The following CLNK variants were observed in gnomAD, a reference collection of about 807,000 sequenced individuals.
CLNK encodes cytokine-dependent hematopoietic cell linker.
CLNK carries 74 observed loss-of-function variants against 68.6 expected under a neutral mutation model. The observed-to-expected ratio is 1.08, with a 90% CI of 0.89 to 1.31. CLNK has a LOEUF of 1.31. CLNK is among the 50% of genes most tolerant of loss of function. CLNK has a pLI of 0.00. For synonymous variants in CLNK, 198 were observed against 172.2 expected, an observed-to-expected ratio of 1.15 and a Z score of -1.17; for missense variants, 553 against 515.3, an observed-to-expected ratio of 1.07 and a Z score of -0.71.
chr4:10,707,072 C>A, the CLNK span, among the ~76,000 whole-genome samples: 1 of 152,100 alleles, frequency 6.6e-6, no homozygotes, highest in African/African-American at 2.4e-5. Flanking sequence ...TGAGCCATCG[C>A]GCCTGGCCCC....
intron 11 of CLNK, among the ~76,000 whole-genome samples, chr4:10,537,639 C>A (rs971098338): frequency 1.6e-5 from 1 of 62,712 alleles, no homozygotes; most frequent in African/African-American, 6.4e-5. Flanking sequence ...CTTTCTTTCT[C>A]TTTCTTTCTT....
At chr4:10,584,879 C>T (rs767801623) in intron 4 of CLNK, 48 bp downstream of exon 4, 6 of 1,590,076 alleles carry the variant, frequency 3.8e-6, no homozygotes, top group Admixed American at 3.3e-5. Flanking sequence ...GCCCAACAGA[C>T]CCATGCTGAC....
chr4:10,660,636 T>C (rs4697771), intron 2 of CLNK, among the ~76,000 whole-genome samples: 51,905 of 151,978 alleles, frequency 0.34, 8,943 homozygotes, highest in African/African-American at 0.39. Context: ...CAGTAGGAGA[T>C]TTTGTTCAGC....
At chr4:10,614,175 T>G (rs1469718786) in intron 2 of CLNK, among the ~76,000 whole-genome samples, 1 of 152,230 alleles carries the variant, frequency 6.6e-6, no homozygotes, top group Non-Finnish European at 1.5e-5. Context: ...CCCTGGCAGA[T>G]GTCTGGGTGA....
In CLNK at chr4:10,516,210, TA is replaced by T. The variant is rs1468643087; in HGVS notation, c.773-2614del. 2.0e-5 allele frequency among the ~76,000 whole-genome samples: 3 copies of T among 152,272 alleles called. No homozygotes were observed. In the East Asian group the frequency reaches 5.8e-4, roughly 29 times the overall value. ...ATCTTTAGGATATATAAACATTATG[TA>T]AGTAAAATACTAGGCAAAAATAACA... On this transcript the variant is annotated intron_variant, in intron 15 of 18. Transcript: ENST00000226951.
At chr4:10,647,854 C>A (rs1318849760) in intron 2 of CLNK, among the ~76,000 whole-genome samples, 2 of 152,118 alleles carry the variant, frequency 1.3e-5, no homozygotes, top group African/African-American at 2.4e-5. Flanking sequence ...TATATTATGC[C>A]CTAAGTCCCA....
the CLNK span, among the ~76,000 whole-genome samples, chr4:10,733,211 G>A: frequency 1.3e-5 from 2 of 152,022 alleles, no homozygotes; most frequent in African/African-American, 4.8e-5. Context: ...CATGGCAAGA[G>A]CCCTGATGCC....
chr4:10,553,756 C>G (rs1157554774), intron 8 of CLNK, among the ~76,000 whole-genome samples: 4 of 152,164 alleles, frequency 2.6e-5, no homozygotes, highest in Non-Finnish European at 5.9e-5. Context: ...GCTTGGCCTT[C>G]TCTTTTATTT....
chr4:10,511,768 A>G (rs181022339), intron 16 of CLNK, among the ~76,000 whole-genome samples: 106 of 152,298 alleles, frequency 7.0e-4, no homozygotes, highest in Non-Finnish European at 1.1e-3. Flanking sequence ...TCATCTGTCA[A>G]TGGACATATA....
chr4:10,558,994 C>A (rs1359717530), intron 7 of CLNK, among the ~76,000 whole-genome samples: 2 of 152,072 alleles, frequency 1.3e-5, no homozygotes, highest in Non-Finnish European at 2.9e-5. Flanking sequence ...GCACTGATAC[C>A]TTTTGAGGAC....
the CLNK span, among the ~76,000 whole-genome samples, chr4:10,712,525 A>G: frequency 6.6e-6 from 1 of 152,218 alleles, no homozygotes; most frequent in African/African-American, 2.4e-5. Context: ...CTTTCCTGAA[A>G]ATAAACCCCT....
chr4:10,558,693 G>A (rs142606762), intron 7 of CLNK, among the ~76,000 whole-genome samples: 2 of 152,284 alleles, frequency 1.3e-5, no homozygotes, highest in South Asian at 2.1e-4. Flanking sequence ...AACCAATCCT[G>A]CCTCTATTGC....
upstream of CLNK, among the ~76,000 whole-genome samples, chr4:10,687,979 C>T (rs540218677): frequency 1.3e-5 from 2 of 152,162 alleles, no homozygotes; most frequent in Non-Finnish European, 2.9e-5. Context: ...CCAGATGTAT[C>T]ACACAGTGGC....
At chr4:10,638,714 A>G (rs1222253313) in intron 2 of CLNK, among the ~76,000 whole-genome samples, 1 of 152,172 alleles carries the variant, frequency 6.6e-6, no homozygotes, top group Admixed American at 6.5e-5. Flanking sequence ...TAAACACTGT[A>G]TTAGTTTGCT....
chr4:10,710,880 A>G, the CLNK span, among the ~76,000 whole-genome samples: 2 of 152,208 alleles, frequency 1.3e-5, no homozygotes, highest in African/African-American at 4.8e-5. Context: ...AGACAAATGA[A>G]GAATTTGATG....
intron 2 of CLNK, among the ~76,000 whole-genome samples, chr4:10,643,691 C>A (rs1723403052): frequency 6.6e-6 from 1 of 152,236 alleles, no homozygotes; most frequent in African/African-American, 2.4e-5. Flanking sequence ...AATATACCCC[C>A]AGTCAGAGTT....
chr4:10,615,305 C>T (rs1722186419), intron 2 of CLNK, among the ~76,000 whole-genome samples: 1 of 152,166 alleles, frequency 6.6e-6, no homozygotes, highest in African/African-American at 2.4e-5. Context: ...CATGGCAAAA[C>T]CCTGTCTCTA....
intron 14 of CLNK, among the ~76,000 whole-genome samples, chr4:10,523,526 C>G (rs1718168731): frequency 6.6e-6 from 1 of 151,910 alleles, no homozygotes; most frequent in Non-Finnish European, 1.5e-5. Context: ...GGAAAAAGTC[C>G]AAGATGAGGA....
At chr4:10,672,529 T>A (rs1360216896) in intron 1 of CLNK, among the ~76,000 whole-genome samples, 1 of 152,184 alleles carries the variant, frequency 6.6e-6, no homozygotes, top group Admixed American at 6.5e-5. Flanking sequence ...ATGCCTTATA[T>A]CACTTTAAGT....
Sources: gnomAD v4.1 joint callset for allele counts (sites outside exome capture counted in the v4.1 genomes callset) on GRCh38, gnomAD v4.1.1 for gene constraint, MANE v1.5 for transcripts, NCBI Gene and HGNC (gene_info 2026-07-23, HGNC 2026-07-21) for gene names.